The following ELF1 variants were observed in gnomAD, a reference collection of about 807,000 sequenced individuals.
ELF1 encodes the protein E74 like ETS transcription factor 1.
In ELF1, 24 loss-of-function variants were observed where a neutral mutation model predicts 59.9. The observed-to-expected ratio is 0.40, with a 90% CI of 0.29 to 0.56. The LOEUF is 0.56. Among genes scored for constraint, ELF1 ranks in the 20% least tolerant of loss-of-function variants. The pLI, the probability that ELF1 is intolerant of heterozygous loss-of-function variation, is 0.44. For missense variants in ELF1, 627 were observed against 742.2 expected, an observed-to-expected ratio of 0.84 and a Z score of 1.80; for synonymous variants, 248 against 266.2, an observed-to-expected ratio of 0.93 and a Z score of 0.67.
At chr13:40,935,744 G>A (rs1869724416) in intron 8 of ELF1, among the ~76,000 whole-genome samples, 1 of 150,808 alleles carries the variant, frequency 6.6e-6, no homozygotes, top group Non-Finnish European at 1.5e-5. Flanking sequence ...TGTGATCTCA[G>A]CTCACTGCAA....
chr13:40,935,264 A>G (rs1416601214), intron 8 of ELF1, among the ~76,000 whole-genome samples: 1 of 152,210 alleles, frequency 6.6e-6, no homozygotes, highest in Admixed American at 6.5e-5. Context: ...CTGGATGTCA[A>G]CTGTTTCCTT....
At chr13:41,053,354 A>G (rs1315256773) in intron 1 of ELF1, among the ~76,000 whole-genome samples, 1 of 142,518 alleles carries the variant, frequency 7.0e-6, no homozygotes, top group Non-Finnish European at 1.5e-5. Context: ...ACTCCGTCTC[A>G]AAAAAAAAAA....
chr13:40,973,447 C>CAT lies in ELF1; in HGVS notation c.72+8535_72+8536insAT, dbSNP rs1205045857. Among the ~76,000 whole-genome samples, 3 of 151,928 alleles carry CAT rather than the reference C, an allele frequency of 2.0e-5. No homozygotes were observed. In the East Asian group the frequency reaches 5.8e-4, roughly 29 times the overall value. On this transcript the variant is annotated intron_variant, in intron 2 of 8. Coordinates refer to ENST00000239882, the MANE Select transcript of ELF1 (RefSeq NM_172373.4). ...ACTCTCTAAATATGTTGAAAATGAC[C>CAT]CTCTTTTTTAAAAAAGGCCAGTTAC...
At chr13:41,034,941 G>A (rs1426588209) in intron 1 of ELF1, among the ~76,000 whole-genome samples, 1 of 152,008 alleles carries the variant, frequency 6.6e-6, no homozygotes, top group African/African-American at 2.4e-5. Flanking sequence ...ATCTGAACTT[G>A]TTAGTTCAGA....
intron 3 of ELF1, among the ~76,000 whole-genome samples, chr13:40,957,665 C>G (rs1871538748): frequency 6.6e-6 from 1 of 152,162 alleles, no homozygotes; most frequent in Admixed American, 6.5e-5. Flanking sequence ...GCTTCCTGTA[C>G]AGCCTGCAGA....
At chr13:41,004,883 T>C (rs1328863638) in intron 1 of ELF1, among the ~76,000 whole-genome samples, 3 of 152,124 alleles carry the variant, frequency 2.0e-5, no homozygotes, top group Non-Finnish European at 4.4e-5. Flanking sequence ...ATCCATATAA[T>C]ACCAAACAAG....
intron 1 of ELF1, among the ~76,000 whole-genome samples, chr13:41,051,217 G>C (rs545907435): frequency 6.6e-6 from 1 of 151,682 alleles, no homozygotes; most frequent in Non-Finnish European, 1.5e-5. Context: ...TAAAAACAAA[G>C]GGAAAAAAAA....
chr13:41,006,545 T>C (rs1874770905), intron 1 of ELF1, among the ~76,000 whole-genome samples: 2 of 152,178 alleles, frequency 1.3e-5, no homozygotes, highest in South Asian at 4.1e-4. Flanking sequence ...GATGTGTAAC[T>C]GTTCTGTTCT....
chr13:40,969,767 A>G (rs1375574372), intron 2 of ELF1, among the ~76,000 whole-genome samples: 1 of 152,190 alleles, frequency 6.6e-6, no homozygotes, highest in Non-Finnish European at 1.5e-5. Context: ...GTGCAGTGGC[A>G]CAATCATGGC....
At chr13:41,023,005 C>A (rs970717053), upstream of ELF1, among the ~76,000 whole-genome samples, 16 of 152,092 alleles carry the variant, frequency 1.1e-4, no homozygotes, top group African/African-American at 3.9e-4. Flanking sequence ...AATGTACATA[C>A]TGTGGGTATG....
At position 40,982,211 on chromosome 13, in the gene ELF1, T is replaced by C. The variant is rs1463718452; in HGVS notation, c.-157A>G. 7.6e-7 allele frequency: 1 copy of C among 1,308,850 alleles called. No individual in the cohort carries two copies. The highest frequency in any genetic ancestry group is 9.7e-7 in the Non-Finnish European group (1 of 1,027,618). The allele number at this position is 1,308,850 out of a possible 1,614,324, so 81.1% of individuals were successfully genotyped here. Reference sequence around the variant, plus strand: ...TTCTTTAGGGAAGGTGCTTCAGTTTTCCTGGTTCATTGATATTCTAGTCAA... The same window carrying C: ...TTCTTTAGGGAAGGTGCTTCAGTTTCCCTGGTTCATTGATATTCTAGTCAA... On this transcript the variant is annotated 5_prime_UTR_variant, in exon 2 of 9. Coordinates refer to ENST00000239882, the MANE Select transcript of ELF1 (RefSeq NM_172373.4).
In ELF1 at chr13:41,018,191, TTA is replaced by T. The variant is rs527417687; in HGVS notation, c.-229+1035_-229+1036del. Among the ~76,000 whole-genome samples, 530 of 152,336 alleles carry T rather than the reference TTA, an allele frequency of 3.5e-3. 8 individuals are homozygous for T. The highest frequency in any genetic ancestry group is 0.011 in the African/African-American group (445 of 41,574). The stretch of plus-strand genomic sequence containing the variant: ...TTTGGAATCACTGCATATTCCAATT[TTA>T]TCTTCATAAATATGTTTCAGAAATA... On this transcript the variant is annotated intron_variant, in intron 1 of 8. Coordinates refer to ENST00000239882, the MANE Select transcript of ELF1 (RefSeq NM_172373.4).
At chr13:41,010,768 G>C (rs1875020326) in intron 1 of ELF1, among the ~76,000 whole-genome samples, 1 of 152,010 alleles carries the variant, frequency 6.6e-6, no homozygotes, top group Admixed American at 6.6e-5. Context: ...AAATTTAAGA[G>C]ACCTCTAATT....
rs528161171 is a variant in ELF1 at position 41,056,999 on chromosome 13, G to T, written c.-229+3839C>A. ...AAGTGGTAGATAAGGTAGGACCTGA[G>T]GTTAGATGGGTAAAGTCCAGATAAT... On this transcript the variant is annotated intron_variant, in intron 1 of 1. Transcript: ENST00000405737. Among the ~76,000 whole-genome samples the T allele has an allele frequency of 3.3e-5, 5 of 152,290 alleles. No individual in the cohort carries two copies. In the East Asian group the frequency reaches 9.6e-4, roughly 29 times the overall value.
At chr13:40,939,511 C>A (rs1179509071) in intron 8 of ELF1, among the ~76,000 whole-genome samples, 6 of 152,090 alleles carry the variant, frequency 3.9e-5, no homozygotes, top group Non-Finnish European at 8.8e-5. Flanking sequence ...CAACAAACAG[C>A]CTAGAAACCA....
At chr13:41,055,588 T>TA (rs1321426528) in intron 1 of ELF1, among the ~76,000 whole-genome samples, 1 of 152,182 alleles carries the variant, frequency 6.6e-6, no homozygotes, top group Non-Finnish European at 1.5e-5. Context: ...TCTGTATACT[T>TA]ACCTAACCTC....
chr13:40,960,208 A>G (rs1871730480), intron 2 of ELF1, among the ~76,000 whole-genome samples: 1 of 152,210 alleles, frequency 6.6e-6, no homozygotes, highest in African/African-American at 2.4e-5. Flanking sequence ...ATACAATACT[A>G]TTATCTAATC....
intron 1 of ELF1, among the ~76,000 whole-genome samples, chr13:41,011,718 AC>A (rs1426642157): frequency 6.6e-6 from 1 of 152,104 alleles, no homozygotes; most frequent in Non-Finnish European, 1.5e-5. Flanking sequence ...TGCTGGGATT[AC>A]AGGCTTGAGC....
At position 41,035,727 on chromosome 13, in the gene ELF1, GAA is replaced by G. The variant is rs11366083; in HGVS notation, c.-229+25109_-229+25110del. Among the ~76,000 whole-genome samples the G allele has an allele frequency of 4.4e-3, 436 of 99,992 alleles. 2 individuals carry two copies. The highest frequency in any genetic ancestry group is 0.016 in the African/African-American group (399 of 24,510). 65.6% of individuals were successfully genotyped at this position (99,992 alleles called of 152,430 possible). On this transcript the variant is annotated intron_variant, in intron 1 of 1. Transcript: ENST00000405737. The stretch of plus-strand genomic sequence containing the variant: ...ACAGAGATGAGGAAAAGAACAAAAA[GAA>G]AAAAAAAAAAAAAGGAAAACTCCCA...
Sources: gnomAD v4.1 joint callset for allele counts (sites outside exome capture counted in the v4.1 genomes callset) on GRCh38, gnomAD v4.1.1 for gene constraint, MANE v1.5 for transcripts, NCBI Gene and HGNC (gene_info 2026-07-23, HGNC 2026-07-21) for gene names.